Variants in MAP3K4 observed in about 807,000 individuals in gnomAD.
MAP3K4 encodes MAP three kinase 1.
In MAP3K4, 67 loss-of-function variants were observed where a neutral mutation model predicts 185.6. That is an observed-to-expected ratio of 0.36 (90% CI 0.30 to 0.44). The LOEUF (loss-of-function observed/expected upper bound fraction) is 0.44, where lower values mean the gene tolerates loss of function less well. Among genes scored for constraint, MAP3K4 ranks in the 20% least tolerant of loss-of-function variants. The pLI, the probability that MAP3K4 is intolerant of heterozygous loss-of-function variation, is 1.00. For missense variants in MAP3K4, 1,551 were observed against 1,995.1 expected, an observed-to-expected ratio of 0.78 and a Z score of 4.24; for synonymous variants, 702 against 710.4, an observed-to-expected ratio of 0.99 and a Z score of 0.19.
intron 1 of MAP3K4, among the ~76,000 whole-genome samples, chr6:160,993,098 C>T (rs1780819581): frequency 6.6e-6 from 1 of 152,202 alleles, no homozygotes; most frequent in African/African-American, 2.4e-5. Context: ...GAACTGAACA[C>T]AGGAGCCATA....
chr6:161,027,147 C>T (rs1782713734), intron 1 of MAP3K4, among the ~76,000 whole-genome samples: 1 of 152,078 alleles, frequency 6.6e-6, no homozygotes, highest in African/African-American at 2.4e-5. Flanking sequence ...TAAAACTTAC[C>T]AACTGATGTT....
chr6:160,992,196 GTC>G, intron 1 of MAP3K4, 113 bp downstream of exon 1: 1 of 1,362,876 alleles, frequency 7.3e-7, no homozygotes, highest in African/African-American at 1.5e-5. Flanking sequence ...GAAGCATCCA[GTC>G]TCTGCAGGCT....
intron 3 of MAP3K4, among the ~76,000 whole-genome samples, chr6:161,059,730 CAG>C (rs1451680973): frequency 2.6e-5 from 4 of 152,120 alleles, no homozygotes; most frequent in African/African-American, 4.8e-5. Context: ...TATTTGTACT[CAG>C]AGATTATTTT....
chr6:161,116,952 G>A lies in MAP3K4; in HGVS notation c.*82G>A, dbSNP rs1359788409. 1.5e-6 allele frequency: 2 copies of A among 1,346,210 alleles called. No homozygotes were observed. The highest frequency in any genetic ancestry group is 2.1e-6 in the Non-Finnish European group (2 of 941,002). 83.4% of individuals were successfully genotyped at this position (1,346,210 alleles called of 1,614,324 possible). ...TACATAAAGACTGTGCTGAGAAGCA[G>A]TATAAGCCTTTTTAACCTTCCAAGA... On this transcript the variant is annotated 3_prime_UTR_variant, in exon 27 of 27. Coordinates refer to ENST00000392142, the MANE Select transcript of MAP3K4 (RefSeq NM_005922.4). The surrounding 1 kb of genome is among the most constrained non-coding windows in gnomAD (Gnocchi z 6.2).
In MAP3K4 at chr6:161,088,830, TATA is replaced by T. The variant is rs1449564485; in HGVS notation, c.2824-488_2824-486del. 1.3e-5 allele frequency among the ~76,000 whole-genome samples: 2 copies of T among 152,362 alleles called. No homozygotes were observed. Among genetic ancestry groups the T allele is most frequent in the East Asian group, 3.9e-4 (2 of 5,194 alleles). The stretch of plus-strand genomic sequence containing the variant: ...GTTTTTGTGCTTCTAGAATGATCAT[TATA>T]ATACATCTGATTGCATCACAGATCT... On this transcript the variant is annotated intron_variant, in intron 10 of 26. Transcript: ENST00000392142. This position sits in a 1 kb window ranked among gnomAD's most constrained non-coding sequence, Gnocchi z 4.5.
intron 23 of MAP3K4, among the ~76,000 whole-genome samples, chr6:161,111,436 G>T (rs575964345): frequency 6.6e-6 from 1 of 152,226 alleles, no homozygotes; most frequent in African/African-American, 2.4e-5. Context: ...ACTGCAGTGC[G>T]TGTGCAGCTC....
At position 161,048,382 on chromosome 6, in the gene MAP3K4, T is replaced by C; in HGVS notation, c.344-234T>C. ...AACAGCTAGTTTAGGTAATTAGTTG[T>C]GAATATAAGAGAATACAGCAAATAC... is the stretch of plus-strand genomic sequence containing the variant. On this transcript the variant is annotated intron_variant, in intron 2 of 26. Coordinates refer to ENST00000392142, the MANE Select transcript of MAP3K4 (RefSeq NM_005922.4). The surrounding 1 kb of genome is among the most constrained non-coding windows in gnomAD (Gnocchi z 4.7). The C allele has an allele frequency of 1.5e-6, 1 of 655,100 alleles. No homozygotes were observed. The highest frequency in any genetic ancestry group is 2.8e-6 in the Non-Finnish European group (1 of 356,100). 40.6% of individuals were successfully genotyped at this position (655,100 alleles called of 1,614,324 possible). A position where few individuals can be genotyped will look rare whatever the true frequency, so the allele number is the denominator to read the frequency against.
chr6:161,096,968 C>T lies in MAP3K4; in HGVS notation c.3428-112C>T. 2 of 744,824 alleles carry T rather than the reference C, an allele frequency of 2.7e-6. No homozygotes were observed. The highest frequency in any genetic ancestry group is 4.7e-6 in the Non-Finnish European group (2 of 426,906). 46.1% of individuals were successfully genotyped at this position (744,824 alleles called of 1,614,324 possible). A position where few individuals can be genotyped will look rare whatever the true frequency, so the allele number is the denominator to read the frequency against. The stretch of plus-strand genomic sequence containing the variant: ...TTTTTACTTATATAAATGGACTTAC[C>T]TTGGTCATTGGCCAGAATAAGTGAC... On this transcript the variant is annotated intron_variant, in intron 15 of 26. Transcript: ENST00000392142. This position sits in a 1 kb window ranked among gnomAD's most constrained non-coding sequence, Gnocchi z 4.9.
Position 161,021,753 on chromosome 6 carries a change from C to T in MAP3K4, c.153-12506C>T, listed in dbSNP as rs527963598. Among the ~76,000 whole-genome samples the T allele has an allele frequency of 3.2e-3, 487 of 152,300 alleles. 4 individuals carry two copies. Among genetic ancestry groups the T allele is most frequent in the African/African-American group, 0.011 (467 of 41,568 alleles). On this transcript the variant is annotated intron_variant, in intron 1 of 26. Coordinates refer to ENST00000392142, the MANE Select transcript of MAP3K4 (RefSeq NM_005922.4). Reference sequence around the variant, plus strand: ...CAGGAACAGTAATGTGTTTTTTCCTCTACTCCTAGCACACCTCTTGTCTGG... The same window carrying T: ...CAGGAACAGTAATGTGTTTTTTCCTTTACTCCTAGCACACCTCTTGTCTGG...
In MAP3K4 at chr6:161,117,026, T is replaced by G. The variant is rs1340968896; in HGVS notation, c.*156T>G. The G allele has an allele frequency of 5.7e-6, 4 of 701,864 alleles. No individual in the cohort carries two copies. In the African/African-American group the frequency reaches 7.2e-5, roughly 13 times the overall value. 43.5% of individuals were successfully genotyped at this position (701,864 alleles called of 1,614,324 possible). On this transcript the variant is annotated 3_prime_UTR_variant, in exon 27 of 27. Coordinates refer to ENST00000392142, the MANE Select transcript of MAP3K4 (RefSeq NM_005922.4). ...CGTCACTTCTCCTGCTGCTCCTGTT[T>G]GTCTGATGTGGCAAAAGGCCCTCTG... is the stretch of plus-strand genomic sequence containing the variant.
In MAP3K4 at chr6:161,116,667, A is replaced by G. The variant is rs1583257237; in HGVS notation, c.4807-183A>G. The stretch of plus-strand genomic sequence containing the variant: ...TTAGTCAGTTCCCAGGCTTAACTTT[A>G]GAGCAGTAACTTACCTCTGCCATTG... On this transcript the variant is annotated intron_variant, in intron 26 of 26. Coordinates refer to ENST00000392142, the MANE Select transcript of MAP3K4 (RefSeq NM_005922.4). This position sits in a 1 kb window ranked among gnomAD's most constrained non-coding sequence, Gnocchi z 6.2. 1.3e-5 allele frequency among the ~76,000 whole-genome samples: 2 copies of G among 152,240 alleles called. No individual in the cohort carries two copies. Among genetic ancestry groups the G allele is most frequent in the East Asian group, 3.8e-4 (2 of 5,200 alleles).
At chr6:161,105,037 G>A (rs1395614596) in intron 19 of MAP3K4, among the ~76,000 whole-genome samples, 1 of 152,206 alleles carries the variant, frequency 6.6e-6, no homozygotes, top group African/African-American at 2.4e-5. Flanking sequence ...GGTATGAAAA[G>A]TGTTGTCATA....
chr6:161,085,174 A>T (rs944985371), intron 7 of MAP3K4, among the ~76,000 whole-genome samples: 1 of 151,854 alleles, frequency 6.6e-6, no homozygotes, highest in Non-Finnish European at 1.5e-5. Context: ...AGATAAAGAG[A>T]TAAAGTTGAC....
At chr6:161,041,646 C>T (rs1783457770) in intron 2 of MAP3K4, among the ~76,000 whole-genome samples, 5 of 152,232 alleles carry the variant, frequency 3.3e-5, no homozygotes, top group Admixed American at 3.3e-4. Flanking sequence ...ATGCCTCGGA[C>T]ATGGCCCCCA....
chr6:161,073,303 G>A lies in MAP3K4; in HGVS notation c.1951-163G>A. ...TTGCTTCTCAATTGAGACTACTAAG[G>A]TATTTACATAAAATGAACTGATCAA... On this transcript the variant is annotated intron_variant, in intron 4 of 26. Transcript: ENST00000392142. This position sits in a 1 kb window ranked among gnomAD's most constrained non-coding sequence, Gnocchi z 4.2. 1.9e-6 allele frequency: 1 copy of A among 526,166 alleles called. No homozygotes were observed. The highest frequency in any genetic ancestry group is 3.2e-6 in the Non-Finnish European group (1 of 309,746). The allele number at this position is 526,166 out of a possible 1,614,324, so 32.6% of individuals were successfully genotyped here.
At position 161,093,670 on chromosome 6, in the gene MAP3K4, G is replaced by T; in HGVS notation, c.3349-103G>T. The stretch of plus-strand genomic sequence containing the variant: ...AAACTAACTGAAAATATTTTGGGTA[G>T]CATGTTTTTAAAAATATACTGAAAA... On this transcript the variant is annotated intron_variant, in intron 14 of 26. Coordinates refer to ENST00000392142, the MANE Select transcript of MAP3K4 (RefSeq NM_005922.4). The surrounding 1 kb of genome is among the most constrained non-coding windows in gnomAD (Gnocchi z 5.2). The T allele has an allele frequency of 1.5e-6, 1 of 648,872 alleles. No individual in the cohort carries two copies. Among genetic ancestry groups the T allele is most frequent in the Non-Finnish European group, 2.7e-6 (1 of 372,614 alleles). The allele number at this position is 648,872 out of a possible 1,614,324, so 40.2% of individuals were successfully genotyped here.
At chr6:161,050,067 A>G in intron 3 of MAP3K4, 88 bp downstream of exon 3, 3 of 1,332,184 alleles carry the variant, frequency 2.3e-6, no homozygotes, top group Non-Finnish European at 3.1e-6. Context: ...GTACTTTCAT[A>G]TTCTAATATT....
Position 161,106,314 on chromosome 6 carries a change from G to A in MAP3K4, c.3857-200G>A, listed in dbSNP as rs1778069447. 6.6e-6 allele frequency among the ~76,000 whole-genome samples: 1 copy of A among 152,184 alleles called. No homozygotes were observed. Among genetic ancestry groups the A allele is most frequent in the African/African-American group, 2.4e-5 (1 of 41,432 alleles). ...TGTGTGACTAGCTTATATTTTATGT[G>A]TGTACTGTATAAGGGGTGGCATATG... On this transcript the variant is annotated intron_variant, in intron 19 of 26. Coordinates refer to ENST00000392142, the MANE Select transcript of MAP3K4 (RefSeq NM_005922.4). The surrounding 1 kb of genome is among the most constrained non-coding windows in gnomAD (Gnocchi z 4.9).
In MAP3K4 at chr6:161,106,744, G is replaced by T. The variant is rs1778091139; in HGVS notation, c.4048+39G>T. On this transcript the variant is annotated intron_variant, in intron 20 of 26. Coordinates refer to ENST00000392142, the MANE Select transcript of MAP3K4 (RefSeq NM_005922.4). The surrounding 1 kb of genome is among the most constrained non-coding windows in gnomAD (Gnocchi z 4.9). Reference sequence around the variant, plus strand: ...GGAGCATGATGTCAAGATAGTCCCTGTTAGAAGTAGCAATAGTTATACTTC... The same window carrying T: ...GGAGCATGATGTCAAGATAGTCCCTTTTAGAAGTAGCAATAGTTATACTTC... The T allele has an allele frequency of 2.6e-6, 4 of 1,512,070 alleles. No individual in the cohort carries two copies. The highest frequency in any genetic ancestry group is 3.6e-6 in the Non-Finnish European group (4 of 1,108,166). The allele number at this position is 1,512,070 out of a possible 1,614,324, so 93.7% of individuals were successfully genotyped here.
Sources: allele counts gnomAD v4.1 joint callset (sites outside exome capture counted in the v4.1 genomes callset), GRCh38; gene constraint gnomAD v4.1.1; non-coding constraint Gnocchi (gnomAD v3.1); transcripts MANE v1.5; gene names NCBI Gene and HGNC (gene_info 2026-07-23, HGNC 2026-07-21).